IMMP2L: variants seen among roughly 807,000 people sequenced by gnomAD.
IMMP2L encodes the protein mitochondrial inner membrane protease subunit 2.
A neutral mutation model predicts 19.3 loss-of-function variants in IMMP2L; 18 were observed. That is an observed-to-expected ratio of 0.93 (90% CI 0.64 to 1.38). The LOEUF (loss-of-function observed/expected upper bound fraction) is 1.38, where lower values mean the gene tolerates loss of function less well. Ranked by LOEUF, IMMP2L falls within the 40% of genes most tolerant of loss-of-function variation. IMMP2L has a pLI of 0.00. For synonymous variants in IMMP2L, 76 were observed against 73.0 expected, an observed-to-expected ratio of 1.04 and a Z score of -0.21; for missense variants, 233 against 218.2, an observed-to-expected ratio of 1.07 and a Z score of -0.43.
At chr7:111,493,454 G>T (rs1843282820) in intron 2 of IMMP2L, among the ~76,000 whole-genome samples, 1 of 152,110 alleles carries the variant, frequency 6.6e-6, no homozygotes, top group African/African-American at 2.4e-5. Context: ...TGTAATCCCA[G>T]CACTTTGGGA....
intron 5 of IMMP2L, among the ~76,000 whole-genome samples, chr7:110,829,985 G>A (rs942778169): frequency 2.6e-5 from 4 of 152,070 alleles, no homozygotes; most frequent in Admixed American, 6.6e-5. Flanking sequence ...CTCAATCAGC[G>A]CTTTTTTTCC....
At chr7:111,243,152 A>C (rs1191444062) in intron 3 of IMMP2L, among the ~76,000 whole-genome samples, 1 of 152,146 alleles carries the variant, frequency 6.6e-6, no homozygotes, top group African/African-American at 2.4e-5. Flanking sequence ...GAATTTTTAA[A>C]TGTATGGCAT....
chr7:111,351,662 A>G (rs886328579), intron 3 of IMMP2L, among the ~76,000 whole-genome samples: 9 of 152,186 alleles, frequency 5.9e-5, no homozygotes, highest in African/African-American at 1.9e-4. Context: ...AAATTGTTAA[A>G]TAAGTGGCTA....
intron 5 of IMMP2L, among the ~76,000 whole-genome samples, chr7:110,675,324 A>T (rs1001260552): frequency 1.3e-5 from 2 of 152,142 alleles, no homozygotes; most frequent in Admixed American, 1.3e-4. Flanking sequence ...AATTCAAATG[A>T]ACAAAATGAG....
chr7:111,056,038 A>G (rs1174821703), intron 3 of IMMP2L, among the ~76,000 whole-genome samples: 1 of 152,210 alleles, frequency 6.6e-6, no homozygotes, highest in African/African-American at 2.4e-5. Flanking sequence ...AATATCAAAA[A>G]GCTATGTTAC....
At position 111,213,520 on chromosome 7, in the gene IMMP2L, T is replaced by C. The variant is rs951616209; in HGVS notation, c.240-249955A>G. On this transcript the variant is annotated intron_variant, in intron 3 of 5. Transcript: ENST00000405709. The surrounding 1 kb of genome is among the most constrained non-coding windows in gnomAD (Gnocchi z 4.8). The stretch of plus-strand genomic sequence containing the variant: ...AGCCCTCCAGGGGCCAGGCTGCTGG[T>C]CGTGCAAACCAGAATGGGAACTTGT... Among the ~76,000 whole-genome samples the C allele has an allele frequency of 2.0e-5, 3 of 152,086 alleles. No homozygotes were observed. Among genetic ancestry groups the C allele is most frequent in the African/African-American group, 7.2e-5 (3 of 41,420 alleles).
At chr7:111,110,990 A>G (rs1799126715) in intron 3 of IMMP2L, among the ~76,000 whole-genome samples, 1 of 152,180 alleles carries the variant, frequency 6.6e-6, no homozygotes, top group Non-Finnish European at 1.5e-5. Context: ...ATAACATAAT[A>G]TAAAACCATT....
chr7:111,223,077 T>C (rs1245838255), intron 3 of IMMP2L, among the ~76,000 whole-genome samples: 1 of 152,006 alleles, frequency 6.6e-6, no homozygotes, highest in East Asian at 1.9e-4. Flanking sequence ...CATAGAATGA[T>C]ACCAAATTTT....
At chr7:111,297,992 C>CA (rs1821810129) in intron 3 of IMMP2L, among the ~76,000 whole-genome samples, 1 of 151,796 alleles carries the variant, frequency 6.6e-6, no homozygotes, top group African/African-American at 2.4e-5. Flanking sequence ...ATGTTGGTTA[C>CA]AAAAATGTAT....
intron 3 of IMMP2L, among the ~76,000 whole-genome samples, chr7:111,312,938 A>G (rs1823672459): frequency 6.6e-6 from 1 of 151,936 alleles, no homozygotes. Flanking sequence ...AAGGGGTTAG[A>G]AAAAAAAGGA....
chr7:111,040,289 C>A (rs1261629603), intron 3 of IMMP2L, among the ~76,000 whole-genome samples: 1 of 152,118 alleles, frequency 6.6e-6, no homozygotes, highest in Non-Finnish European at 1.5e-5. Flanking sequence ...TAACTAAATT[C>A]TTTAAATAGA....
Position 110,931,836 on chromosome 7 carries a change from T to C in IMMP2L, c.305+31664A>G, listed in dbSNP as rs28691789. 1.0e-2 allele frequency among the ~76,000 whole-genome samples: 1,516 copies of C among 152,240 alleles called. 22 individuals are homozygous for C. The highest frequency in any genetic ancestry group is 0.034 in the African/African-American group (1,401 of 41,540). ...GCCTCATCTCCCACTACACTCCACT[T>C]CATATCCACCAGAGGACCCCTTTTT... On this transcript the variant is annotated intron_variant, in intron 4 of 5. Coordinates refer to ENST00000405709, the MANE Select transcript of IMMP2L (RefSeq NM_032549.4).
intron 3 of IMMP2L, among the ~76,000 whole-genome samples, chr7:111,015,866 C>T: frequency 6.6e-6 from 1 of 152,142 alleles, no homozygotes; most frequent in East Asian, 1.9e-4. Flanking sequence ...TTTTATATAG[C>T]CTCTCTCAAA....
intron 3 of IMMP2L, among the ~76,000 whole-genome samples, chr7:111,017,285 C>G (rs544214283): frequency 6.6e-6 from 1 of 151,792 alleles, no homozygotes; most frequent in East Asian, 2.0e-4. Flanking sequence ...GCTGTTCTCA[C>G]ACTCCTAGGC....
intron 4 of IMMP2L, among the ~76,000 whole-genome samples, chr7:110,938,440 T>C (rs1233031639): frequency 6.6e-6 from 1 of 152,206 alleles, no homozygotes; most frequent in African/African-American, 2.4e-5. Context: ...TTTTCTGAGC[T>C]AGACTGGACA....
rs574104188 is a variant in IMMP2L at position 110,771,831 on chromosome 7, C to A, written c.409-108110G>T. ...CCCTATGAGGTAAGTAATCTTATAA[C>A]CTCCACTTTACAGATGAGTAACTTG... is the stretch of plus-strand genomic sequence containing the variant. On this transcript the variant is annotated intron_variant, in intron 5 of 5. Coordinates refer to ENST00000405709, the MANE Select transcript of IMMP2L (RefSeq NM_032549.4). 5.3e-5 allele frequency among the ~76,000 whole-genome samples: 8 copies of A among 152,238 alleles called. No homozygotes were observed. In the South Asian group the frequency reaches 8.3e-4, roughly 16 times the overall value.
At chr7:111,401,037 T>A (rs950167354) in intron 3 of IMMP2L, among the ~76,000 whole-genome samples, 4 of 152,150 alleles carry the variant, frequency 2.6e-5, no homozygotes, top group Non-Finnish European at 4.4e-5. Context: ...TTTTAATATT[T>A]CCATAAATGT....
At chr7:111,104,525 G>T (rs1403153902) in intron 3 of IMMP2L, among the ~76,000 whole-genome samples, 2 of 151,636 alleles carry the variant, frequency 1.3e-5, no homozygotes, top group Non-Finnish European at 3.0e-5. Context: ...AAAGGCTGAG[G>T]GGACATTATA....
At chr7:110,665,626 T>C (rs993163710) in intron 5 of IMMP2L, among the ~76,000 whole-genome samples, 2 of 152,210 alleles carry the variant, frequency 1.3e-5, no homozygotes, top group African/African-American at 4.8e-5. Flanking sequence ...CAAGCTGCCT[T>C]GTAAAATGTC....
Sources: gnomAD v4.1 joint callset for allele counts (sites outside exome capture counted in the v4.1 genomes callset) on GRCh38, gnomAD v4.1.1 for gene constraint, Gnocchi (gnomAD v3.1) non-coding constraint, MANE v1.5 for transcripts, NCBI Gene and HGNC (gene_info 2026-07-23, HGNC 2026-07-21) for gene names.